RASA2: variants seen among roughly 807,000 people sequenced by gnomAD.
RASA2 encodes the protein ras GTPase-activating protein 2.
Under a neutral mutation model 118.2 loss-of-function variants are expected in RASA2, and 155 were observed. The observed-to-expected ratio is 1.31, with a 90% confidence interval of 1.15 to 1.50. The LOEUF (loss-of-function observed/expected upper bound fraction) is 1.50, where lower values mean the gene tolerates loss of function less well. RASA2 is among the 40% of genes most tolerant of loss of function. The probability of loss-of-function intolerance (pLI) is 0.00; values close to 1 mark genes in which losing one functional copy is unlikely to be tolerated. For synonymous variants in RASA2, 353 were observed against 349.1 expected (o/e 1.01, Z -0.12); for missense variants, 1,016 against 1,009.6 (o/e 1.01, Z -0.09).
intron 19 of RASA2, chr3:141,600,259 G>A: frequency 7.5e-6 from 4 of 531,366 alleles, no homozygotes; most frequent in South Asian, 5.7e-5. Flanking sequence ...AGGACACCCT[G>A]TATGTATTTA....
intron 19 of RASA2, 33 bp from the exon 20 acceptor site, chr3:141,607,645 C>T (rs2083568100): frequency 1.3e-6 from 2 of 1,535,670 alleles, no homozygotes; most frequent in African/African-American, 1.4e-5. Context: ...ATGGAAATTA[C>T]TTTAATTTTG....
intron 19 of RASA2, among the ~76,000 whole-genome samples, chr3:141,599,637 A>G (rs2083432738): frequency 6.6e-6 from 1 of 152,172 alleles, no homozygotes; most frequent in African/African-American, 2.4e-5. Flanking sequence ...GGAGGTTGTC[A>G]ACTTAAACAG....
intron 4 of RASA2, among the ~76,000 whole-genome samples, chr3:141,531,399 G>GGT (rs915473735): frequency 4.6e-5 from 7 of 150,648 alleles, no homozygotes; most frequent in African/African-American, 7.3e-5. Context: ...TTTATTTGAT[G>GGT]GTGTGTGTGT....
At chr3:141,492,022 A>G (rs1156500493) in intron 1 of RASA2, among the ~76,000 whole-genome samples, 1 of 152,192 alleles carries the variant, frequency 6.6e-6, no homozygotes, top group Admixed American at 6.5e-5. Context: ...GTTATTTAGG[A>G]TGGAGGAAGA....
intron 1 of RASA2, among the ~76,000 whole-genome samples, chr3:141,491,963 A>G (rs1210208633): frequency 6.6e-6 from 1 of 152,244 alleles, no homozygotes; most frequent in African/African-American, 2.4e-5. Context: ...AAAAGGGTGT[A>G]TTCATGCTAA....
At chr3:141,492,309 G>A (rs574032004) in intron 1 of RASA2, among the ~76,000 whole-genome samples, 4 of 152,242 alleles carry the variant, frequency 2.6e-5, no homozygotes, top group Admixed American at 6.5e-5. Context: ...CAGATTACAT[G>A]TTTTTGCTAC....
intron 19 of RASA2, among the ~76,000 whole-genome samples, chr3:141,593,247 A>G (rs767067339): frequency 4.3e-4 from 65 of 152,068 alleles, no homozygotes; most frequent in Non-Finnish European, 8.5e-4. Flanking sequence ...GGGTTTCTCC[A>G]TGTTGGTCAG....
chr3:141,536,957 G>C (rs1390681911), intron 4 of RASA2, among the ~76,000 whole-genome samples: 1 of 152,022 alleles, frequency 6.6e-6, no homozygotes, highest in East Asian at 1.9e-4. Flanking sequence ...GTGTTGGTCA[G>C]GCTGGTCTCA....
At chr3:141,595,854 C>A (rs2083357693) in intron 19 of RASA2, among the ~76,000 whole-genome samples, 1 of 152,054 alleles carries the variant, frequency 6.6e-6, no homozygotes, top group Non-Finnish European at 1.5e-5. Flanking sequence ...GTCTCAAACT[C>A]CTGGACCCAA....
intron 1 of RASA2, among the ~76,000 whole-genome samples, chr3:141,504,882 A>C (rs2081840878): frequency 6.6e-6 from 1 of 150,884 alleles, no homozygotes; most frequent in Non-Finnish European, 1.5e-5. Context: ...CCTCCTTGCC[A>C]CTCCTCCAGT....
intron 9 of RASA2, among the ~76,000 whole-genome samples, chr3:141,567,194 TC>T (rs1198537430): frequency 5.9e-5 from 9 of 152,078 alleles, no homozygotes; most frequent in African/African-American, 1.7e-4. Flanking sequence ...GGCGGGTAGA[TC>T]ACCTGAGGTC....
chr3:141,511,305 G>T (rs966425056), intron 1 of RASA2, among the ~76,000 whole-genome samples: 3 of 152,122 alleles, frequency 2.0e-5, no homozygotes, highest in Admixed American at 1.3e-4. Context: ...GTTGAGGAGA[G>T]GTTAGACCTG....
intron 1 of RASA2, among the ~76,000 whole-genome samples, chr3:141,500,486 T>G (rs1011839050): frequency 1.3e-5 from 2 of 152,238 alleles, no homozygotes; most frequent in African/African-American, 4.8e-5. Flanking sequence ...TTTCTGCTAC[T>G]TTTCTACTAA....
chr3:141,587,993 G>A (rs1262501003), intron 19 of RASA2, among the ~76,000 whole-genome samples: 1 of 152,064 alleles, frequency 6.6e-6, no homozygotes, highest in East Asian at 1.9e-4. Context: ...TTTGACTATG[G>A]ACCTATAGAT....
chr3:141,536,893 A>G (rs2082335045), intron 4 of RASA2, among the ~76,000 whole-genome samples: 1 of 151,722 alleles, frequency 6.6e-6, no homozygotes, highest in Non-Finnish European at 1.5e-5. Context: ...GATTACAGGC[A>G]TGCGCTGCCA....
In RASA2 at chr3:141,487,051, G is replaced by A. The variant is rs1032842198; in HGVS notation, c.-33G>A. 6.3e-5 allele frequency: 76 copies of A among 1,201,992 alleles called. No homozygotes were observed. Among genetic ancestry groups the A allele is most frequent in the Middle Eastern group, 3.5e-4 (1 of 2,898 alleles). 74.5% of individuals were successfully genotyped at this position (1,201,992 alleles called of 1,614,324 possible). On this transcript the variant is annotated 5_prime_UTR_variant, in exon 1 of 24. Transcript: ENST00000286364. The stretch of plus-strand genomic sequence containing the variant: ...GGCTCCGCCTCGCCCGGCTACGCAG[G>A]CGGCAGGGCTGCGGCACGGGCCGGG...
chr3:141,501,821 A>G (rs2081785952), intron 1 of RASA2, among the ~76,000 whole-genome samples: 1 of 152,004 alleles, frequency 6.6e-6, no homozygotes, highest in African/African-American at 2.4e-5. Flanking sequence ...AGACTATATC[A>G]TATTTTTAAA....
intron 1 of RASA2, among the ~76,000 whole-genome samples, chr3:141,493,015 C>T (rs1459149819): frequency 6.6e-6 from 1 of 152,084 alleles, no homozygotes. Context: ...AGGTAGAGAA[C>T]ATGAAGGTAG....
chr3:141,585,217 A>T lies in RASA2; in HGVS notation c.1753-808A>T, dbSNP rs1577789623. 2.0e-5 allele frequency among the ~76,000 whole-genome samples: 3 copies of T among 152,296 alleles called. No homozygotes were observed. In the South Asian group the frequency reaches 6.2e-4, roughly 32 times the overall value. The stretch of plus-strand genomic sequence containing the variant: ...GAGTTTCAAAAGGTAATCAGTATAT[A>T]CTATATTTAACACCCCCCAGTGGAG... On this transcript the variant is annotated intron_variant, in intron 17 of 23. Coordinates refer to ENST00000286364, the MANE Select transcript of RASA2 (RefSeq NM_006506.5).
Sources: gnomAD v4.1 joint callset for allele counts (sites outside exome capture counted in the v4.1 genomes callset) on GRCh38, gnomAD v4.1.1 for gene constraint, MANE v1.5 for transcripts, NCBI Gene and HGNC (gene_info 2026-07-23, HGNC 2026-07-21) for gene names.